The following SLC30A9 variants were observed in gnomAD, a reference collection of about 807,000 sequenced individuals.
SLC30A9 encodes proton-coupled zinc antiporter SLC30A9, mitochondrial.
SLC30A9 carries 58 observed loss-of-function variants against 87.5 expected under a neutral mutation model. That is an observed-to-expected ratio of 0.66 (90% CI 0.54 to 0.82). The LOEUF (loss-of-function observed/expected upper bound fraction) is 0.82, where lower values mean the gene tolerates loss of function less well. Among genes scored for constraint, SLC30A9 ranks in the 40% least tolerant of loss-of-function variants. The pLI, the probability that SLC30A9 is intolerant of heterozygous loss-of-function variation, is 0.00. For synonymous variants in SLC30A9, 234 were observed against 233.0 expected (o/e 1.00, Z -0.04); for missense variants, 557 against 679.1 (o/e 0.82, Z 2.00).
intron 9 of SLC30A9, among the ~76,000 whole-genome samples, chr4:42,054,308 A>G (rs968956561): frequency 2.0e-5 from 3 of 152,168 alleles, no homozygotes; most frequent in Admixed American, 1.3e-4. Context: ...CAGTGAGTCA[A>G]GATGGCACCA....
At chr4:42,042,271 T>A (rs966539128) in intron 8 of SLC30A9, among the ~76,000 whole-genome samples, 1 of 152,132 alleles carries the variant, frequency 6.6e-6, no homozygotes, top group Non-Finnish European at 1.5e-5. Context: ...GCTCAGCAGA[T>A]CCCACCTCCA....
At chr4:42,060,071 G>A in intron 9 of SLC30A9, 120 bp from the exon 10 acceptor site, 1 of 683,282 alleles carries the variant, frequency 1.5e-6, no homozygotes, top group Non-Finnish European at 2.6e-6. Context: ...TGGGTCATTG[G>A]ACATGCATAT....
At position 42,070,651 on chromosome 4, in the gene SLC30A9, C is replaced by T. The variant is rs765359327; in HGVS notation, c.1378C>T (p.Gln460Ter). 6.2e-7 allele frequency: 1 copy of T among 1,613,986 alleles called. No individual in the cohort carries two copies. The highest frequency in any genetic ancestry group is 1.1e-5 in the South Asian group (1 of 91,058). ...GCGGTCCATCCAGCCAGAACAAGTACAACGGCTCACTGAACTCCTGGAGAA... is the reference window on the plus strand; with the variant it reads ...GCGGTCCATCCAGCCAGAACAAGTATAACGGCTCACTGAACTCCTGGAGAA... ...LGRSIQPEQV[Q>*]RLTELLENDP... The change falls in exon 15 of 18, where the codon CAA becomes TAA. Residue 460 changes from glutamine to a stop codon, truncating the protein, a stop_gained. Coordinates refer to ENST00000264451, the MANE Select transcript of SLC30A9 (RefSeq NM_006345.4). LOFTEE classifies it high-confidence loss of function.
chr4:42,014,402 A>G (rs1715604482), intron 2 of SLC30A9, among the ~76,000 whole-genome samples: 1 of 152,126 alleles, frequency 6.6e-6, no homozygotes, highest in African/African-American at 2.4e-5. Flanking sequence ...AAAACATACA[A>G]AAAAATTAGC....
intron 1 of SLC30A9, among the ~76,000 whole-genome samples, chr4:41,994,075 T>C (rs997165891): frequency 4.6e-5 from 7 of 152,054 alleles, no homozygotes; most frequent in Non-Finnish European, 1.0e-4. Flanking sequence ...GAGAATCACT[T>C]GAACCCAGGA....
At chr4:41,994,710 A>T (rs372146884) in intron 1 of SLC30A9, among the ~76,000 whole-genome samples, 31 of 151,816 alleles carry the variant, frequency 2.0e-4, no homozygotes, top group African/African-American at 6.8e-4. Flanking sequence ...CAACATCGTG[A>T]AACCTCATCT....
chr4:42,060,534 G>A (rs543396922), intron 10 of SLC30A9, among the ~76,000 whole-genome samples: 1 of 152,200 alleles, frequency 6.6e-6, no homozygotes, highest in African/African-American at 2.4e-5. Context: ...TTAGAGGTCT[G>A]TTTTATTTGG....
chr4:42,060,089 GTTTC>G (rs1305485767), intron 9 of SLC30A9, 98 bp from the exon 10 acceptor site: 3 of 857,500 alleles, frequency 3.5e-6, no homozygotes, highest in East Asian at 4.9e-5. Flanking sequence ...TATGTTGAGT[GTTTC>G]TTTGTCATTG....
chr4:42,066,452 T>TA (rs1718079475), intron 12 of SLC30A9, 98 bp from the exon 13 acceptor site: 3 of 656,378 alleles, frequency 4.6e-6, no homozygotes, highest in African/African-American at 1.8e-5. Flanking sequence ...ACCCTAGTTT[T>TA]AAAATGTTGT....
At chr4:42,046,049 C>T (rs1368923522) in intron 8 of SLC30A9, among the ~76,000 whole-genome samples, 4 of 152,194 alleles carry the variant, frequency 2.6e-5, no homozygotes, top group African/African-American at 7.2e-5. Flanking sequence ...ATGCTAAAAA[C>T]TCTCACCTTA....
chr4:42,022,224 C>G (rs184030828), intron 4 of SLC30A9, among the ~76,000 whole-genome samples: 1 of 149,558 alleles, frequency 6.7e-6, no homozygotes, highest in African/African-American at 2.4e-5. Flanking sequence ...TGTGAGCTAC[C>G]GCACCTTGCT....
Position 42,001,787 on chromosome 4 carries a change from G to C in SLC30A9, c.274+7G>C, listed in dbSNP as rs1349551907. On this transcript the variant is annotated splice_region_variant and intron_variant, in intron 2 of 17. Coordinates refer to ENST00000264451, the MANE Select transcript of SLC30A9 (RefSeq NM_006345.4). ...GTACCATCATTTGAAACAGGTATGT[G>C]TAATTTTTTTAATGTACTTTTTTCT... The C allele has an allele frequency of 6.3e-7, 1 of 1,592,068 alleles. No individual in the cohort carries two copies. The highest frequency in any genetic ancestry group is 1.8e-5 in the Admixed American group (1 of 55,242).
chr4:42,009,013 G>C (rs1010856122), intron 2 of SLC30A9, among the ~76,000 whole-genome samples: 2 of 152,068 alleles, frequency 1.3e-5, no homozygotes, highest in Non-Finnish European at 2.9e-5. Context: ...ACACAGTTAA[G>C]GGAAAAGAAA....
intron 2 of SLC30A9, among the ~76,000 whole-genome samples, chr4:42,013,628 A>C (rs1419771005): frequency 6.6e-6 from 1 of 152,230 alleles, no homozygotes; most frequent in African/African-American, 2.4e-5. Flanking sequence ...GATGTGCCAA[A>C]AACATACATT....
rs776247753 is a variant in SLC30A9, at chr4:41,990,627, G to A, written c.-25G>A. The A allele has an allele frequency of 6.8e-7, 1 of 1,461,826 alleles. No homozygotes were observed. Among genetic ancestry groups the A allele is most frequent in the South Asian group, 1.2e-5 (1 of 86,566 alleles). The allele number at this position is 1,461,826 out of a possible 1,614,324, so 90.6% of individuals were successfully genotyped here. On this transcript the variant is annotated 5_prime_UTR_variant, in exon 1 of 18. Transcript: ENST00000264451. ...GGCGCGGAGGCAGAAGGCGGTGTCC[G>A]AGTAGGGGCCTCTGCCCCACCAGGA...
Position 42,052,720 on chromosome 4 carries a change from A to G in SLC30A9, c.840+3241A>G, listed in dbSNP as rs191176918. Among the ~76,000 whole-genome samples, 502 of 152,362 alleles carry G rather than the reference A, an allele frequency of 3.3e-3. 4 individuals carry two copies. The highest frequency in any genetic ancestry group is 0.014 in the Middle Eastern group (4 of 294). ...AAGGACCTTGACTCCTACTTCACAC[A>G]CTGTATACAAGTTTGAAATGGATCA... On this transcript the variant is annotated intron_variant, in intron 9 of 17. Transcript: ENST00000264451.
At chr4:42,044,919 G>A (rs181157852) in intron 8 of SLC30A9, among the ~76,000 whole-genome samples, 23 of 152,224 alleles carry the variant, frequency 1.5e-4, no homozygotes, top group African/African-American at 3.4e-4. Context: ...ACTCAAAACC[G>A]CGCAACTACA....
intron 6 of SLC30A9, 34 bp downstream of exon 6, chr4:42,023,418 A>T: frequency 3.0e-6 from 4 of 1,340,526 alleles, no homozygotes; most frequent in Non-Finnish European, 4.3e-6. Flanking sequence ...AAGTTAATTG[A>T]AAAATAACTT....
intron 6 of SLC30A9, among the ~76,000 whole-genome samples, chr4:42,028,441 G>A (rs7439806): frequency 0.65 from 98,463 of 152,188 alleles, 36,041 homozygotes; most frequent in East Asian, 0.96. Context: ...TTTCAAAGAA[G>A]ATGTGAAAAT....
Sources: gnomAD v4.1 joint callset for allele counts (sites outside exome capture counted in the v4.1 genomes callset) on GRCh38, gnomAD v4.1.1 for gene constraint, MANE v1.5 for transcripts, NCBI Gene and HGNC (gene_info 2026-07-23, HGNC 2026-07-21) for gene names.